Variants in TP53INP2 observed in about 807,000 individuals in gnomAD.
The protein encoded by TP53INP2 is tumor protein p53 inducible nuclear protein 2.
Under a neutral mutation model 17.1 loss-of-function variants are expected in TP53INP2, and 12 were observed. The observed-to-expected ratio is 0.70, with a 90% confidence interval of 0.45 to 1.14. The LOEUF (loss-of-function observed/expected upper bound fraction) is 1.14. Among genes scored for constraint, TP53INP2 ranks in the 50% most tolerant of loss-of-function variants. The pLI is 0.00. For synonymous variants in TP53INP2, 145 were observed against 147.3 expected (o/e 0.98, Z 0.12); for missense variants, 342 against 330.9 (o/e 1.03, Z -0.26).
rs140122883 is a variant in TP53INP2, at chr20:34,708,875, G to A, written c.124+12G>A. 7.5e-4 allele frequency: 1,206 copies of A among 1,612,766 alleles called. 7 individuals carry two copies. The African/African-American group carries it at 0.014, about 19-fold the overall frequency. ...CATTGACCTGCCGGGTGAGGCCTGG[G>A]TCTGTCTCCTGGGCCTGTGAAGTCA... On this transcript the variant is annotated intron_variant, in intron 3 of 4. Coordinates refer to ENST00000374810, the MANE Select transcript of TP53INP2 (RefSeq NM_021202.3).
At position 34,708,774 on chromosome 20, in the gene TP53INP2, C is replaced by A. The variant is rs754589579; in HGVS notation, c.35C>A (p.Thr12Asn). 5 of 1,598,006 alleles carry A rather than the reference C, an allele frequency of 3.1e-6. No individual in the cohort carries two copies. The highest frequency in any genetic ancestry group is 4.3e-6 in the Non-Finnish European group (5 of 1,172,054). ...CGCCTCTCCAGCCTCTTCTTCAGCA[C>A]CCCCTCGCCCCCCGAAGACCCCGAC... ...FQRLSSLFFS[T>N]PSPPEDPDCP... is the part of the protein sequence containing the mutation. Residue 12 changes from threonine (T) to asparagine (N), a missense_variant, in exon 3 of 5, where the codon ACC becomes AAC. By Grantham distance (65) the Thr-to-Asn change is moderately conservative. Transcript: ENST00000374810.
In TP53INP2 at chr20:34,711,855, T is replaced by C. The variant is rs537750012; in HGVS notation, c.*1548T>C. 6.5e-6 allele frequency: 1 copy of C among 152,700 alleles called. No individual in the cohort carries two copies. Among genetic ancestry groups the C allele is most frequent in the Admixed American group, 6.5e-5 (1 of 15,292 alleles). The allele number at this position is 152,700 out of a possible 1,614,324, so 9.5% of individuals were successfully genotyped here. A position where few individuals can be genotyped will look rare whatever the true frequency, so the allele number is the denominator to read the frequency against. ...TCTTCCTAGGAACTTTTAAGACTTC[T>C]TGGTACCTATGAACATAGGTCCTCC... On this transcript the variant is annotated 3_prime_UTR_variant, in exon 5 of 5. Coordinates refer to ENST00000374810, the MANE Select transcript of TP53INP2 (RefSeq NM_021202.3). This position sits in a 1 kb window ranked among gnomAD's most constrained non-coding sequence, Gnocchi z 4.1.
chr20:34,713,009 C>T lies in TP53INP2; in HGVS notation c.*2702C>T, dbSNP rs1269706760. Reference sequence around the variant, plus strand: ...TGCTGTTTTAGAGTATGCCTGCTCCCCAGCCCCCTGCCTGGAACCCTCTGA... The same window carrying T: ...TGCTGTTTTAGAGTATGCCTGCTCCTCAGCCCCCTGCCTGGAACCCTCTGA... On this transcript the variant is annotated 3_prime_UTR_variant, in exon 5 of 5. Coordinates refer to ENST00000374810, the MANE Select transcript of TP53INP2 (RefSeq NM_021202.3). 3 of 152,814 alleles carry T rather than the reference C, an allele frequency of 2.0e-5. No homozygotes were observed. Among genetic ancestry groups the T allele is most frequent in the Non-Finnish European group, 4.4e-5 (3 of 68,210 alleles). 9.5% of individuals were successfully genotyped at this position (152,814 alleles called of 1,614,324 possible). A position where few individuals can be genotyped will look rare whatever the true frequency, so the allele number is the denominator to read the frequency against.
Position 34,709,899 on chromosome 20 carries a change from G to A in TP53INP2, c.414-159G>A, listed in dbSNP as rs1487903922. On this transcript the variant is annotated intron_variant, in intron 4 of 4. Coordinates refer to ENST00000374810, the MANE Select transcript of TP53INP2 (RefSeq NM_021202.3). The surrounding 1 kb of genome is among the most constrained non-coding windows in gnomAD (Gnocchi z 5.4). ...AGTTTACCTGTTAAGGGCTAGAACC[G>A]AGGAGGCACCTCCGGGTTGGTACCC... Among the ~76,000 whole-genome samples, 2 of 152,152 alleles carry A rather than the reference G, an allele frequency of 1.3e-5. No individual in the cohort carries two copies. Among genetic ancestry groups the A allele is most frequent in the Non-Finnish European group, 1.5e-5 (1 of 68,004 alleles).
At chr20:34,708,552 T>TTCCCAAAGCGTCCGCACACATCCCCGTTG in intron 2 of TP53INP2, 139 bp from the exon 3 acceptor site, 1 of 489,816 alleles carries the variant, frequency 2.0e-6, no homozygotes, top group Non-Finnish European at 3.6e-6. Context: ...AAAGCACATC[T>TTCCCAAAGCGTCCGCACACATCCCCGTTG]TCCCAAAGCG....
rs1182054342 is a variant in TP53INP2, at chr20:34,708,698, C to T, written c.-42C>T. ...CGTCCTTCTGATTCCCAGGTTTTTG[C>T]ACTGCCATAGGGCGCCCCCGTGAGG... On this transcript the variant is annotated 5_prime_UTR_variant, in exon 3 of 5. Coordinates refer to ENST00000374810, the MANE Select transcript of TP53INP2 (RefSeq NM_021202.3). 1.3e-6 allele frequency: 2 copies of T among 1,544,980 alleles called. No individual in the cohort carries two copies. The highest frequency in any genetic ancestry group is 8.7e-7 in the Non-Finnish European group (1 of 1,148,054).
intron 2 of TP53INP2, 56 bp from the exon 3 acceptor site, chr20:34,708,635 C>T: frequency 9.2e-7 from 1 of 1,087,042 alleles, no homozygotes; most frequent in African/African-American, 1.6e-5. Context: ...CTTCCCCAGG[C>T]CAGGAGTGGG....
chr20:34,708,949 G>A, intron 3 of TP53INP2, 86 bp downstream of exon 3: 1 of 1,543,536 alleles, frequency 6.5e-7, no homozygotes, highest in Non-Finnish European at 8.8e-7. Flanking sequence ...GCTGCTGGGG[G>A]ACGGGGGAGT....
rs1476483481 is a variant in TP53INP2 at position 34,708,983 on chromosome 20, G to A, written c.124+120G>A. ...GTCCCCCAAGCCTACTGGAGGTGGG[G>A]TCACGGGGCCCCTTCCCATGAAAGC... On this transcript the variant is annotated intron_variant, in intron 3 of 4. Transcript: ENST00000374810. 4 of 1,466,164 alleles carry A rather than the reference G, an allele frequency of 2.7e-6. No homozygotes were observed. In the African/African-American group the frequency reaches 5.6e-5, roughly 21 times the overall value. 90.8% of individuals were successfully genotyped at this position (1,466,164 alleles called of 1,614,324 possible). A position where few individuals can be genotyped will look rare whatever the true frequency, so the allele number is the denominator to read the frequency against.
At position 34,710,443 on chromosome 20, in the gene TP53INP2, C is replaced by A; in HGVS notation, c.*136C>A. Reference sequence around the variant, plus strand: ...GTGATAGCCGTTCCTTCCCCGACACCCTCAATTTCCCCATCTCTGATCCTC... The same window carrying A: ...GTGATAGCCGTTCCTTCCCCGACACACTCAATTTCCCCATCTCTGATCCTC... On this transcript the variant is annotated 3_prime_UTR_variant, in exon 5 of 5. Coordinates refer to ENST00000374810, the MANE Select transcript of TP53INP2 (RefSeq NM_021202.3). The surrounding 1 kb of genome is among the most constrained non-coding windows in gnomAD (Gnocchi z 4.9). 2 of 971,552 alleles carry A rather than the reference C, an allele frequency of 2.1e-6. No homozygotes were observed. Among genetic ancestry groups the A allele is most frequent in the Non-Finnish European group, 2.7e-6 (2 of 746,426 alleles). 60.2% of individuals were successfully genotyped at this position (971,552 alleles called of 1,614,324 possible). A position where few individuals can be genotyped will look rare whatever the true frequency, so the allele number is the denominator to read the frequency against.
rs912619240 is a variant in TP53INP2, at chr20:34,704,495, C to G, written c.-184C>G. 1 of 152,124 alleles carries G rather than the reference C, an allele frequency of 6.6e-6. No homozygotes were observed. Among genetic ancestry groups the G allele is most frequent in the East Asian group, 1.9e-4 (1 of 5,132 alleles). The allele number at this position is 152,124 out of a possible 1,614,324, so 9.4% of individuals were successfully genotyped here. ...GCACAACTACCTCAACGCCGTGCCG[C>G]CCCCCTCCCGCCCCCAGGTGAGTCC... On this transcript the variant is annotated 5_prime_UTR_variant, in exon 1 of 5. Transcript: ENST00000374810.
At position 34,710,010 on chromosome 20, in the gene TP53INP2, C is replaced by CT. The variant is rs751702598; in HGVS notation, c.414-48_414-47insT. 3 of 1,272,364 alleles carry CT rather than the reference C, an allele frequency of 2.4e-6. No individual in the cohort carries two copies. The Admixed American group carries it at 9.5e-5, about 40-fold the overall frequency. The allele number at this position is 1,272,364 out of a possible 1,614,324, so 78.8% of individuals were successfully genotyped here. ...GGGAGATGGCAGCGCCCTCTAGACC[C>CT]CCCGCCCAGCTTACCCGGCTTGACC... On this transcript the variant is annotated intron_variant, in intron 4 of 4. Coordinates refer to ENST00000374810, the MANE Select transcript of TP53INP2 (RefSeq NM_021202.3). This position sits in a 1 kb window ranked among gnomAD's most constrained non-coding sequence, Gnocchi z 4.9.
At position 34,710,013 on chromosome 20, in the gene TP53INP2, C is replaced by A. The variant is rs1378134949; in HGVS notation, c.414-45C>A. On this transcript the variant is annotated intron_variant, in intron 4 of 4. Transcript: ENST00000374810. The surrounding 1 kb of genome is among the most constrained non-coding windows in gnomAD (Gnocchi z 4.9). ...AGATGGCAGCGCCCTCTAGACCCCC[C>A]GCCCAGCTTACCCGGCTTGACCGAG... The A allele has an allele frequency of 1.6e-6, 2 of 1,276,850 alleles. No homozygotes were observed. Among genetic ancestry groups the A allele is most frequent in the Non-Finnish European group, 2.0e-6 (2 of 1,008,092 alleles). 79.1% of individuals were successfully genotyped at this position (1,276,850 alleles called of 1,614,324 possible).
Position 34,710,331 on chromosome 20 carries a change from C to G in TP53INP2, c.*24C>G. The G allele has an allele frequency of 7.5e-7, 1 of 1,334,762 alleles. No homozygotes were observed. Among genetic ancestry groups the G allele is most frequent in the Non-Finnish European group, 9.7e-7 (1 of 1,032,154 alleles). 82.7% of individuals were successfully genotyped at this position (1,334,762 alleles called of 1,614,324 possible). A position where few individuals can be genotyped will look rare whatever the true frequency, so the allele number is the denominator to read the frequency against. Reference sequence around the variant, plus strand: ...GAGCGTCCACCGGCCGCGCCACGAACCCCTTGCCGATCCCGATCCCTGTCG... The same window carrying G: ...GAGCGTCCACCGGCCGCGCCACGAAGCCCTTGCCGATCCCGATCCCTGTCG... On this transcript the variant is annotated 3_prime_UTR_variant, in exon 5 of 5. Coordinates refer to ENST00000374810, the MANE Select transcript of TP53INP2 (RefSeq NM_021202.3). The surrounding 1 kb of genome is among the most constrained non-coding windows in gnomAD (Gnocchi z 4.9).
rs147039511 is a variant in TP53INP2 at position 34,708,860 on chromosome 20, C to T, written c.121C>T (p.Pro41Ser). The T allele has an allele frequency of 1.9e-6, 3 of 1,613,448 alleles. No individual in the cohort carries two copies. The highest frequency in any genetic ancestry group is 2.2e-5 in the South Asian group (2 of 91,044). The change falls in exon 3 of 5, where the codon CCG becomes TCG. Residue 41 changes from proline (P) to serine (S), a missense_variant. Physicochemically the swap from Pro to Ser is moderately conservative, Grantham distance 74. Transcript: ENST00000374810. Reference sequence around the variant, plus strand: ...GGACGGCTGGCTCATCATTGACCTGCCGGGTGAGGCCTGGGTCTGTCTCCT... The same window carrying T: ...GGACGGCTGGCTCATCATTGACCTGTCGGGTGAGGCCTGGGTCTGTCTCCT... ...EVDGWLIIDL[P>S]DSYAAPPSPG...
Position 34,709,611 on chromosome 20 carries a change from C to T in TP53INP2, c.413+87C>T. On this transcript the variant is annotated intron_variant, in intron 4 of 4. Transcript: ENST00000374810. The surrounding 1 kb of genome is among the most constrained non-coding windows in gnomAD (Gnocchi z 5.4). ...AGGCTAGGAGGCTGGGGTAGTGGGG[C>T]CAGGAGCCCGCCCCGCGCTCGAGGG... 1 of 1,462,722 alleles carries T rather than the reference C, an allele frequency of 6.8e-7. No homozygotes were observed. The highest frequency in any genetic ancestry group is 9.0e-7 in the Non-Finnish European group (1 of 1,115,316). The allele number at this position is 1,462,722 out of a possible 1,614,324, so 90.6% of individuals were successfully genotyped here.
rs149181942 is a variant in TP53INP2 at position 34,708,796 on chromosome 20, C to T, written c.57C>T (p.Pro19=). ...GCACCCCCTCGCCCCCCGAAGACCC[C>T]GACTGCCCCCGCGCCTTCGTGTCGG... ...FFSTPSPPED[P]DCPRAFVSEE... The change falls in exon 3 of 5, where the codon CCC becomes CCT. Residue 19 remains proline (P), a synonymous_variant. Coordinates refer to ENST00000374810, the MANE Select transcript of TP53INP2 (RefSeq NM_021202.3). 232 of 1,612,616 alleles carry T rather than the reference C, an allele frequency of 1.4e-4. No homozygotes were observed. The highest frequency in any genetic ancestry group is 1.8e-4 in the Non-Finnish European group (218 of 1,179,418).
Position 34,712,271 on chromosome 20 carries a change from T to C in TP53INP2, c.*1964T>C, listed in dbSNP as rs1988219330. 6.5e-6 allele frequency: 1 copy of C among 152,716 alleles called. No individual in the cohort carries two copies. The highest frequency in any genetic ancestry group is 2.4e-5 in the African/African-American group (1 of 41,434). The allele number at this position is 152,716 out of a possible 1,614,324, so 9.5% of individuals were successfully genotyped here. On this transcript the variant is annotated 3_prime_UTR_variant, in exon 5 of 5. Coordinates refer to ENST00000374810, the MANE Select transcript of TP53INP2 (RefSeq NM_021202.3). ...CTTCGGCACCTCCAAGAGCTGAATC[T>C]CCCTCCAACCCTTCTTGCCTACTCC...
rs146459117 is a variant in TP53INP2, at chr20:34,708,674, G to T, written c.-49-17G>T. On this transcript the variant is annotated splice_polypyrimidine_tract_variant and intron_variant, in intron 2 of 4. Transcript: ENST00000374810. ...AACCTCAATCAGTGGTGGCTCTCAC[G>T]TCCTTCTGATTCCCAGGTTTTTGCA... 1.0e-4 allele frequency: 151 copies of T among 1,511,072 alleles called. No homozygotes were observed. Among genetic ancestry groups the T allele is most frequent in the Non-Finnish European group, 1.3e-4 (145 of 1,123,300 alleles). 93.6% of individuals were successfully genotyped at this position (1,511,072 alleles called of 1,614,324 possible). A position where few individuals can be genotyped will look rare whatever the true frequency, so the allele number is the denominator to read the frequency against.
Sources: allele counts gnomAD v4.1 joint callset (sites outside exome capture counted in the v4.1 genomes callset), GRCh38; gene constraint gnomAD v4.1.1; non-coding constraint Gnocchi (gnomAD v3.1); transcripts MANE v1.5; gene names NCBI Gene and HGNC (gene_info 2026-07-23, HGNC 2026-07-21).